SERPINB7: variants seen among roughly 807,000 people sequenced by gnomAD.
SERPINB7 encodes serpin B7.
Under a neutral mutation model 37.4 loss-of-function variants are expected in SERPINB7, and 31 were observed. The observed-to-expected ratio is 0.83, with a 90% CI of 0.62 to 1.12. The LOEUF is 1.12. Among genes scored for constraint, SERPINB7 ranks in the 50% most tolerant of loss-of-function variants. SERPINB7 has a pLI of 0.00. For missense variants in SERPINB7, 521 were observed against 455.3 expected (o/e 1.14, Z -1.31); for synonymous variants, 163 against 166.1 (o/e 0.98, Z 0.14).
At chr18:63,771,664 TAGTC>T (rs2049212153), upstream of SERPINB7, among the ~76,000 whole-genome samples, 1 of 152,212 alleles carries the variant, frequency 6.6e-6, no homozygotes, top group Non-Finnish European at 1.5e-5. Flanking sequence ...ACTCCAAAAA[TAGTC>T]AGGAAACTAC....
chr18:63,768,604 GT>G (rs2049193528), intron 1 of SERPINB7, among the ~76,000 whole-genome samples: 1 of 151,964 alleles, frequency 6.6e-6, no homozygotes, highest in African/African-American at 2.4e-5. Context: ...CATTTTGCAT[GT>G]CTTTCTTCCT....
rs1568208066 is a variant in SERPINB7 at position 63,783,278 on chromosome 18, GAAA to G, written c.168+739_168+741del. Among the ~76,000 whole-genome samples the G allele has an allele frequency of 1.2e-3, 182 of 148,816 alleles. 11 individuals are homozygous for G. Among genetic ancestry groups the G allele is most frequent in the South Asian group, 2.8e-3 (13 of 4,572 alleles). Reference sequence around the variant, plus strand: ...AGAAAGAAAGAAAGAAAGAAAGAAAGAAAGAAAGAAAGAAAGAAATGCAAATGC... The same window carrying G: ...AGAAAGAAAGAAAGAAAGAAAGAAAGGAAAGAAAGAAAGAAATGCAAATGC... On this transcript the variant is annotated intron_variant, in intron 2 of 7. Coordinates refer to ENST00000398019, the MANE Select transcript of SERPINB7 (RefSeq NM_003784.4).
intron 2 of SERPINB7, among the ~76,000 whole-genome samples, chr18:63,791,013 T>C (rs1218858706): frequency 6.6e-6 from 1 of 152,138 alleles, no homozygotes; most frequent in Non-Finnish European, 1.5e-5. Flanking sequence ...CTGGAAACCA[T>C]CATTCTCAGC....
At chr18:63,774,733 T>C (rs1365231306), upstream of SERPINB7, among the ~76,000 whole-genome samples, 1 of 152,096 alleles carries the variant, frequency 6.6e-6, no homozygotes, top group Non-Finnish European at 1.5e-5. Flanking sequence ...CAAGAATGAA[T>C]GAACACACCA....
chr18:63,780,679 TTAGAG>T (rs1416107595), intron 1 of SERPINB7, among the ~76,000 whole-genome samples: 2 of 152,236 alleles, frequency 1.3e-5, no homozygotes, highest in East Asian at 1.9e-4. Context: ...GTGTTCTTTC[TTAGAG>T]TAAAGATATG....
intron 1 of SERPINB7, chr18:63,777,895 CA>C (rs2049264842): frequency 6.8e-6 from 1 of 148,026 alleles, no homozygotes; most frequent in South Asian, 2.2e-4. Context: ...CACACACACA[CA>C]CACACACACA....
intron 1 of SERPINB7, among the ~76,000 whole-genome samples, chr18:63,776,244 C>T (rs900872537): frequency 6.6e-6 from 1 of 151,952 alleles, no homozygotes; most frequent in African/African-American, 2.4e-5. Flanking sequence ...TAGATGCATA[C>T]AATTTAATAA....
intron 1 of SERPINB7, among the ~76,000 whole-genome samples, chr18:63,760,876 A>G (rs1160603939): frequency 6.6e-6 from 1 of 152,236 alleles, no homozygotes; most frequent in Non-Finnish European, 1.5e-5. Flanking sequence ...TGCCCAGGCA[A>G]AAGTTTGCTG....
At chr18:63,798,257 T>C (rs968884189) in intron 5 of SERPINB7, among the ~76,000 whole-genome samples, 1 of 152,230 alleles carries the variant, frequency 6.6e-6, no homozygotes, top group Admixed American at 6.5e-5. Context: ...AAAGGCACTT[T>C]GGTACCTATG....
chr18:63,798,697 C>T lies in SERPINB7; in HGVS notation c.548C>T (p.Ser183Leu), dbSNP rs1341450625. Residue 183 changes from serine (S) to leucine (L), a missense_variant, in exon 6 of 8, where the codon TCA (serine) becomes TTA (leucine). Ser to Leu is a moderately radical substitution (Grantham distance 145). Transcript: ENST00000398019. The part of the protein sequence containing the change: ...NAVYFKGKWQ[S>L]AFTKSETINC... Reference sequence around the variant, plus strand: ...GTGTACTTCAAAGGCAAGTGGCAATCAGCCTTCACCAAGAGCGAAACCATA... The same window carrying T: ...GTGTACTTCAAAGGCAAGTGGCAATTAGCCTTCACCAAGAGCGAAACCATA... The T allele has an allele frequency of 1.2e-6, 2 of 1,613,114 alleles. No individual in the cohort carries two copies. The highest frequency in any genetic ancestry group is 1.1e-5 in the South Asian group (1 of 90,836).
At chr18:63,794,727 A>T (rs1321016285) in intron 4 of SERPINB7, among the ~76,000 whole-genome samples, 1 of 152,104 alleles carries the variant, frequency 6.6e-6, no homozygotes, top group African/African-American at 2.4e-5. Context: ...AACAAAAAAA[A>T]AATACTCTTT....
At chr18:63,796,021 G>A (rs1337717379) in intron 4 of SERPINB7, among the ~76,000 whole-genome samples, 1 of 152,082 alleles carries the variant, frequency 6.6e-6, no homozygotes, top group Non-Finnish European at 1.5e-5. Flanking sequence ...TTCTCTATTA[G>A]CCTCCTCAAA....
intron 1 of SERPINB7, among the ~76,000 whole-genome samples, chr18:63,761,207 C>T (rs1427506989): frequency 1.3e-5 from 2 of 152,212 alleles, no homozygotes; most frequent in African/African-American, 2.4e-5. Context: ...GACCTGGAGG[C>T]AAAGGAGATT....
At chr18:63,756,469 A>C (rs555097539) in intron 1 of SERPINB7, among the ~76,000 whole-genome samples, 1 of 152,298 alleles carries the variant, frequency 6.6e-6, no homozygotes, top group East Asian at 1.9e-4. Context: ...GACTCAGCAG[A>C]GGGATCAAAT....
Position 63,798,614 on chromosome 18 carries a change from G to A in SERPINB7, c.465G>A (p.Lys155=). 1 of 1,545,258 alleles carries A rather than the reference G, an allele frequency of 6.5e-7. No individual in the cohort carries two copies. Among genetic ancestry groups the A allele is most frequent in the Admixed American group, 2.0e-5 (1 of 49,236 alleles). ...WVENETHGKI[K]NVIGEGGISS... is the part of the protein sequence containing the mutation. ...TTTTTTTTTCAAAAGGCAAAATCAA[G>A]AACGTGATTGGTGAAGGTGGCATAA... The change falls in exon 6 of 8, where the codon AAG becomes AAA. Residue 155 remains lysine (K), a synonymous_variant. Coordinates refer to ENST00000398019, the MANE Select transcript of SERPINB7 (RefSeq NM_003784.4).
chr18:63,783,281 A>AG (rs61046740), intron 2 of SERPINB7, among the ~76,000 whole-genome samples: 5 of 149,194 alleles, frequency 3.4e-5, no homozygotes, highest in South Asian at 2.2e-4. Flanking sequence ...AAAGAAAGAA[A>AG]GAAAGAAAGA....
At chr18:63,762,609 T>C (rs2049160241) in intron 1 of SERPINB7, among the ~76,000 whole-genome samples, 1 of 152,176 alleles carries the variant, frequency 6.6e-6, no homozygotes, top group African/African-American at 2.4e-5. Context: ...TGATTTGCCT[T>C]ATTTCCCCCC....
intron 1 of SERPINB7, among the ~76,000 whole-genome samples, chr18:63,763,999 A>G (rs1432760575): frequency 6.6e-6 from 1 of 152,182 alleles, no homozygotes; most frequent in African/African-American, 2.4e-5. Flanking sequence ...TTACAATACA[A>G]TTGTATAGTA....
At position 63,800,276 on chromosome 18, in the gene SERPINB7, G is replaced by T. The variant is rs140798650; in HGVS notation, c.598-590G>T. Among the ~76,000 whole-genome samples the T allele has an allele frequency of 8.6e-5, 13 of 151,750 alleles. No homozygotes were observed. In the East Asian group the frequency reaches 2.5e-3, roughly 29 times the overall value. On this transcript the variant is annotated intron_variant, in intron 6 of 7. Transcript: ENST00000398019. ...GCAGTCTCGCCATGTTGCTCAGCCTGGTCTTGAGCTCTTGGGCTCAAGTAG... is the reference window on the plus strand; with the variant it reads ...GCAGTCTCGCCATGTTGCTCAGCCTTGTCTTGAGCTCTTGGGCTCAAGTAG...
Sources: gnomAD v4.1 joint callset for allele counts (sites outside exome capture counted in the v4.1 genomes callset) on GRCh38, gnomAD v4.1.1 for gene constraint, MANE v1.5 for transcripts, NCBI Gene and HGNC (gene_info 2026-07-23, HGNC 2026-07-21) for gene names.